KCND2: variants seen among roughly 807,000 people sequenced by gnomAD.
KCND2 encodes the protein potassium voltage-gated channel subfamily D member 2, also known as A-type voltage-gated potassium channel KCND2.
A neutral mutation model predicts 54.4 loss-of-function variants in KCND2; 16 were observed. The observed-to-expected ratio is 0.29, with a 90% confidence interval of 0.20 to 0.45. The LOEUF (loss-of-function observed/expected upper bound fraction) is 0.45. Ranked by LOEUF, KCND2 falls within the 20% of genes least tolerant of loss-of-function variation. The pLI is 1.00. For missense variants in KCND2, 486 were observed against 824.2 expected (o/e 0.59, Z 5.02); for synonymous variants, 317 against 310.7 (o/e 1.02, Z -0.21).
At chr7:120,727,109 GA>G (rs1792743641) in intron 1 of KCND2, among the ~76,000 whole-genome samples, 1 of 151,992 alleles carries the variant, frequency 6.6e-6, no homozygotes. Context: ...TCTATCAAAT[GA>G]ACATACATTT....
chr7:120,470,837 A>G (rs1414420758), intron 1 of KCND2, among the ~76,000 whole-genome samples: 1 of 131,856 alleles, frequency 7.6e-6, no homozygotes, highest in African/African-American at 3.0e-5. Context: ...AAAATATATA[A>G]TATAAGTAAA....
chr7:120,380,593 C>A (rs926751666), intron 1 of KCND2, among the ~76,000 whole-genome samples: 9 of 151,962 alleles, frequency 5.9e-5, no homozygotes, highest in African/African-American at 1.4e-4. Context: ...AACCTAATTT[C>A]TTTTTGTGTG....
chr7:120,303,096 C>T (rs1205852474), intron 1 of KCND2, among the ~76,000 whole-genome samples: 1 of 151,724 alleles, frequency 6.6e-6, no homozygotes, highest in Non-Finnish European at 1.5e-5. Flanking sequence ...GTTTGGCAGA[C>T]AGTTGTTATA....
intron 1 of KCND2, among the ~76,000 whole-genome samples, chr7:120,598,199 A>T (rs1382744102): frequency 1.3e-5 from 2 of 152,160 alleles, no homozygotes; most frequent in Non-Finnish European, 2.9e-5. Flanking sequence ...TTTATGACTT[A>T]AAATTTAATA....
intron 2 of KCND2, among the ~76,000 whole-genome samples, chr7:120,737,865 G>A (rs1792894263): frequency 6.6e-6 from 1 of 151,816 alleles, no homozygotes; most frequent in African/African-American, 2.4e-5. Context: ...GGCTACCTAG[G>A]ATACCTTTAT....
At chr7:120,646,164 C>T (rs189829495) in intron 1 of KCND2, among the ~76,000 whole-genome samples, 58 of 152,334 alleles carry the variant, frequency 3.8e-4, no homozygotes, top group Non-Finnish European at 1.8e-4. Context: ...TTCCCACAAC[C>T]ATATGTGACC....
At chr7:120,742,371 C>G in intron 3 of KCND2, 139 bp from the exon 4 acceptor site, 1 of 738,430 alleles carries the variant, frequency 1.4e-6, no homozygotes, top group South Asian at 1.4e-5. Flanking sequence ...ACAGGAACTG[C>G]ACATTTGTTC....
chr7:120,582,956 G>A (rs1054115937), intron 1 of KCND2, among the ~76,000 whole-genome samples: 1 of 136,752 alleles, frequency 7.3e-6, no homozygotes, highest in Admixed American at 6.9e-5. Flanking sequence ...GTGTGTGTAT[G>A]TGTGTGTGTG....
At chr7:120,283,504 A>G (rs373890717) in intron 1 of KCND2, among the ~76,000 whole-genome samples, 4 of 152,306 alleles carry the variant, frequency 2.6e-5, no homozygotes, top group Admixed American at 1.3e-4. Flanking sequence ...CTTAAAATTT[A>G]TATCCAATTA....
At chr7:120,617,564 T>G (rs1299364419) in intron 1 of KCND2, among the ~76,000 whole-genome samples, 3 of 152,188 alleles carry the variant, frequency 2.0e-5, no homozygotes, top group Admixed American at 6.5e-5. Context: ...GTTCAGTCAC[T>G]GTGGAAAGCA....
chr7:120,283,086 G>A (rs1361911645), intron 1 of KCND2, among the ~76,000 whole-genome samples: 1 of 152,164 alleles, frequency 6.6e-6, no homozygotes, highest in African/African-American at 2.4e-5. Flanking sequence ...TAAGCCAATG[G>A]CTGATTAAAG....
intron 5 of KCND2, among the ~76,000 whole-genome samples, chr7:120,747,153 A>T (rs757029296): frequency 6.6e-6 from 1 of 152,096 alleles, no homozygotes. Context: ...TCATCCAATA[A>T]TACCATTTGG....
chr7:120,426,336 A>G (rs777874596), intron 1 of KCND2, among the ~76,000 whole-genome samples: 3 of 152,172 alleles, frequency 2.0e-5, no homozygotes, highest in Non-Finnish European at 2.9e-5. Context: ...TTAGAGATCA[A>G]ATGGAAGAAA....
intron 1 of KCND2, among the ~76,000 whole-genome samples, chr7:120,442,216 T>A (rs1801955275): frequency 6.6e-6 from 1 of 152,102 alleles, no homozygotes. Flanking sequence ...AAGAAAAGCT[T>A]TATGGTCTGG....
chr7:120,421,448 T>G (rs1801621340), intron 1 of KCND2, among the ~76,000 whole-genome samples: 1 of 152,164 alleles, frequency 6.6e-6, no homozygotes, highest in Admixed American at 6.5e-5. Context: ...GAAACTCAGG[T>G]TTCTATTTTG....
intron 1 of KCND2, among the ~76,000 whole-genome samples, chr7:120,554,778 A>C (rs1792143218): frequency 6.6e-6 from 1 of 152,170 alleles, no homozygotes; most frequent in Non-Finnish European, 1.5e-5. Context: ...TACATTGAGA[A>C]GCTCTGGATT....
At chr7:120,445,952 A>G (rs1486484321) in intron 1 of KCND2, among the ~76,000 whole-genome samples, 1 of 152,128 alleles carries the variant, frequency 6.6e-6, no homozygotes, top group Non-Finnish European at 1.5e-5. Flanking sequence ...AGGACCATTT[A>G]TTATGAAATT....
intron 1 of KCND2, among the ~76,000 whole-genome samples, chr7:120,630,545 A>C (rs1407349229): frequency 1.3e-5 from 2 of 152,160 alleles, no homozygotes; most frequent in Non-Finnish European, 2.9e-5. Flanking sequence ...ATAACAGCTT[A>C]TTATTAATTT....
In KCND2 at chr7:120,273,630, G is replaced by A. The variant is rs938024197; in HGVS notation, c.-1003G>A. 1 of 152,550 alleles carries A rather than the reference G, an allele frequency of 6.6e-6. No homozygotes were observed. 9.4% of individuals were successfully genotyped at this position (152,550 alleles called of 1,614,324 possible). On this transcript the variant is annotated 5_prime_UTR_variant, in exon 1 of 6. Coordinates refer to ENST00000331113, the MANE Select transcript of KCND2 (RefSeq NM_012281.3). ...GATGGGGGAAGGGAAAGAAGAGCTCGCTTGAGCTTTATTTATGCTCTCTCG... is the reference window on the plus strand; with the variant it reads ...GATGGGGGAAGGGAAAGAAGAGCTCACTTGAGCTTTATTTATGCTCTCTCG...
Sources: allele counts gnomAD v4.1 joint callset (sites outside exome capture counted in the v4.1 genomes callset), GRCh38; gene constraint gnomAD v4.1.1; transcripts MANE v1.5; gene names NCBI Gene and HGNC (gene_info 2026-07-23, HGNC 2026-07-21).